The following PLAC1 variants were observed in gnomAD, a reference collection of about 807,000 sequenced individuals.
The protein encoded by PLAC1 is placenta-specific protein 1.
For synonymous variants in PLAC1, 68 were observed against 62.1 expected (o/e 1.09, Z -0.44); for missense variants, 136 against 163.2 (o/e 0.83, Z 0.91).
intron 1 of PLAC1, among the ~76,000 whole-genome samples, chrX:134,609,684 A>G (rs2078142933): frequency 8.9e-6 from 1 of 111,834 alleles, no homozygotes; most frequent in Non-Finnish European, 1.9e-5. Flanking sequence ...TGTCCAATTC[A>G]GTTCCTGGTG....
At chrX:134,662,779 A>T (rs190867930), upstream of PLAC1, among the ~76,000 whole-genome samples, 195 of 111,412 alleles carry the variant, frequency 1.8e-3, no homozygotes, top group Middle Eastern at 9.2e-3. Flanking sequence ...AATAATAAAA[A>T]GTATCCAGGC....
At chrX:134,721,224 G>T (rs945087169) in intron 2 of PLAC1, among the ~76,000 whole-genome samples, 1 of 112,251 alleles carries the variant, frequency 8.9e-6, no homozygotes, top group Admixed American at 9.5e-5. Flanking sequence ...TTAAGGAAAG[G>T]CATATCAAAA....
chrX:134,698,400 C>T (rs1460167921), intron 2 of PLAC1, among the ~76,000 whole-genome samples: 3 of 111,676 alleles, frequency 2.7e-5, no homozygotes, highest in African/African-American at 9.8e-5. Context: ...TTGCAGTGAG[C>T]CGAGATAGTG....
intron 1 of PLAC1, among the ~76,000 whole-genome samples, chrX:134,653,608 C>A (rs1276582825): frequency 9.0e-6 from 1 of 111,217 alleles, no homozygotes; most frequent in East Asian, 2.9e-4. Context: ...CCTGAAGAGA[C>A]CAATATGAGG....
chrX:134,662,898 C>T (rs1380200436), upstream of PLAC1, among the ~76,000 whole-genome samples: 1 of 112,159 alleles, frequency 8.9e-6, no homozygotes, highest in African/African-American at 3.2e-5. Context: ...CACTACACTC[C>T]AGCCTTGGTG....
At chrX:134,743,881 T>C (rs1024463789) in intron 1 of PLAC1, among the ~76,000 whole-genome samples, 3 of 112,626 alleles carry the variant, frequency 2.7e-5, no homozygotes, top group Non-Finnish European at 5.6e-5. Context: ...CGAAAGTTTT[T>C]GGTAACCGAA....
At chrX:134,613,288 G>A (rs1159834430) in intron 1 of PLAC1, among the ~76,000 whole-genome samples, 1 of 111,247 alleles carries the variant, frequency 9.0e-6, no homozygotes, top group Non-Finnish European at 1.9e-5. Context: ...GTGTCCATGT[G>A]GGATCAGGTT....
At chrX:134,639,769 C>A (rs1430470373) in intron 1 of PLAC1, among the ~76,000 whole-genome samples, 1 of 111,118 alleles carries the variant, frequency 9.0e-6, no homozygotes, top group African/African-American at 3.3e-5. Context: ...CATCAGTGCC[C>A]CAACTCTACA....
chrX:134,657,797 C>G (rs780143945), intron 1 of PLAC1, among the ~76,000 whole-genome samples: 3 of 110,382 alleles, frequency 2.7e-5, no homozygotes, highest in Non-Finnish European at 3.8e-5. Flanking sequence ...GAGTCTGAAA[C>G]TGATCATCTG....
intron 1 of PLAC1, among the ~76,000 whole-genome samples, chrX:134,611,766 T>C (rs1235864192): frequency 1.8e-5 from 2 of 110,449 alleles, no homozygotes; most frequent in African/African-American, 6.6e-5. Context: ...ACTACCATGA[T>C]AAAAAGGCAC....
intron 2 of PLAC1, among the ~76,000 whole-genome samples, chrX:134,667,377 C>T (rs1427579668): frequency 1.8e-5 from 2 of 112,313 alleles, no homozygotes; most frequent in African/African-American, 6.5e-5. Flanking sequence ...TCTGAACAGA[C>T]TGTCTTCCAA....
At chrX:134,657,864 AAG>A (rs1321080398) in intron 1 of PLAC1, among the ~76,000 whole-genome samples, 1 of 111,744 alleles carries the variant, frequency 8.9e-6, no homozygotes, top group Non-Finnish European at 1.9e-5. Context: ...AGAGTAAAGG[AAG>A]AGAGAATGAT....
chrX:134,614,045 G>C (rs745633773), intron 1 of PLAC1, among the ~76,000 whole-genome samples: 22 of 109,883 alleles, frequency 2.0e-4, no homozygotes, highest in East Asian at 5.8e-4. Flanking sequence ...CTATGCTCCT[G>C]CTTATCTGCC....
At chrX:134,742,692 A>G (rs1363414508) in intron 1 of PLAC1, among the ~76,000 whole-genome samples, 3 of 111,583 alleles carry the variant, frequency 2.7e-5, no homozygotes, top group Non-Finnish European at 5.7e-5. Flanking sequence ...AAGTTTTGGC[A>G]ATGGTCTCGG....
chrX:134,685,374 G>C (rs1200114241), intron 2 of PLAC1, among the ~76,000 whole-genome samples: 1 of 108,228 alleles, frequency 9.2e-6, no homozygotes, highest in African/African-American at 3.3e-5. Flanking sequence ...CCCACACTGG[G>C]TCACAGTCTG....
intron 2 of PLAC1, chrX:134,600,821 A>C (rs896700902): frequency 2.7e-4 from 30 of 111,262 alleles, no homozygotes; most frequent in African/African-American, 9.5e-4. Flanking sequence ...AAAATAAGAA[A>C]ATGAAAATGA....
At chrX:134,612,194 C>G (rs1254312755) in intron 1 of PLAC1, among the ~76,000 whole-genome samples, 3 of 111,946 alleles carry the variant, frequency 2.7e-5, no homozygotes, top group Non-Finnish European at 5.6e-5. Context: ...GTCATTAAGA[C>G]TACAGTTCAA....
chrX:134,747,287 C>T (rs1340700593), intron 1 of PLAC1, among the ~76,000 whole-genome samples: 2 of 109,730 alleles, frequency 1.8e-5, no homozygotes, highest in Non-Finnish European at 3.8e-5. Context: ...CCTGCCTATC[C>T]AGGAGGCCAA....
intron 1 of PLAC1, among the ~76,000 whole-genome samples, chrX:134,761,508 T>C (rs1470973660): frequency 8.9e-6 from 1 of 111,849 alleles, no homozygotes; most frequent in Non-Finnish European, 1.9e-5. Context: ...GATGGGGTGG[T>C]GGTATGGCTT....
Sources: allele counts gnomAD v4.1 joint callset (sites outside exome capture counted in the v4.1 genomes callset), GRCh38; gene constraint gnomAD v4.1.1; transcripts MANE v1.5; gene names NCBI Gene and HGNC (gene_info 2026-07-23, HGNC 2026-07-21).